ABCC8: variants seen among roughly 807,000 people sequenced by gnomAD.
ABCC8 encodes ATP binding cassette subfamily C member 8, also known as ATP-binding cassette sub-family C member 8.
A neutral mutation model predicts 188.0 loss-of-function variants in ABCC8; 137 were observed. The ratio of observed to expected loss-of-function variants is 0.73; its 90% CI spans 0.63 to 0.84. ABCC8 has a LOEUF of 0.84. Ranked by LOEUF, ABCC8 falls within the 40% of genes least tolerant of loss-of-function variation. The pLI is 0.00. For synonymous variants in ABCC8, 797 were observed against 846.5 expected (o/e 0.94, Z 1.01); for missense variants, 1,750 against 2,072.7 (o/e 0.84, Z 3.02).
At chr11:17,443,669 C>T (rs527965619) in intron 8 of ABCC8, among the ~76,000 whole-genome samples, 2 of 152,176 alleles carry the variant, frequency 1.3e-5, no homozygotes, top group Non-Finnish European at 2.9e-5. Context: ...TGCTGGCTCT[C>T]AGGGCTTATG....
At chr11:17,428,003 T>G in intron 14 of ABCC8, 61 bp from the exon 15 acceptor site, 1 of 1,595,200 alleles carries the variant, frequency 6.3e-7, no homozygotes, top group East Asian at 2.3e-5. Flanking sequence ...TCCCAGTGAA[T>G]AGTCTCTGGC....
intron 4 of ABCC8, 26 bp downstream of exon 4, chr11:17,463,412 C>A: frequency 1.3e-6 from 2 of 1,578,906 alleles, no homozygotes; most frequent in South Asian, 1.2e-5. Context: ...CTTCCCACCC[C>A]ACCCTGGCCC....
intron 29 of ABCC8, among the ~76,000 whole-genome samples, chr11:17,400,936 A>G (rs1055578340): frequency 3.3e-5 from 5 of 152,262 alleles, no homozygotes; most frequent in African/African-American, 7.2e-5. Flanking sequence ...AAGCCAATGC[A>G]TTAAATGTGT....
intron 10 of ABCC8, among the ~76,000 whole-genome samples, chr11:17,439,930 T>G (rs78332325): frequency 0.018 from 2,697 of 151,818 alleles, 95 homozygotes; most frequent in African/African-American, 0.063. Context: ...TGGGGGACAA[T>G]GAGCACCCAC....
intron 29 of ABCC8, among the ~76,000 whole-genome samples, chr11:17,400,252 G>A (rs1423869574): frequency 6.6e-6 from 1 of 152,176 alleles, no homozygotes; most frequent in East Asian, 1.9e-4. Flanking sequence ...CGTGTGGGAG[G>A]GTGACGTGTC....
chr11:17,401,102 G>A (rs1311073541), intron 29 of ABCC8, among the ~76,000 whole-genome samples: 1 of 152,186 alleles, frequency 6.6e-6, no homozygotes, highest in Admixed American at 6.5e-5. Flanking sequence ...GCACACAAGG[G>A]GCTGTGGCCC....
At chr11:17,413,609 G>A (rs921611514) in intron 19 of ABCC8, 131 bp from the exon 20 acceptor site, 72 of 1,576,110 alleles carry the variant, frequency 4.6e-5, no homozygotes, top group Non-Finnish European at 6.0e-5. Flanking sequence ...CCTCCCGCTT[G>A]GGTGCAAGCA....
At chr11:17,472,974 C>T (rs1465594007) in intron 2 of ABCC8, among the ~76,000 whole-genome samples, 1 of 152,194 alleles carries the variant, frequency 6.6e-6, no homozygotes, top group Non-Finnish European at 1.5e-5. Context: ...GCCCAGGGAT[C>T]TTCAAAACTC....
chr11:17,456,647 C>T (rs11822987), intron 6 of ABCC8, among the ~76,000 whole-genome samples: 2,414 of 152,240 alleles, frequency 0.016, 66 homozygotes, highest in African/African-American at 0.056. Flanking sequence ...CTGTTTGACA[C>T]GGTGGTTAAG....
intron 7 of ABCC8, among the ~76,000 whole-genome samples, chr11:17,452,149 T>C (rs1387299676): frequency 1.3e-5 from 2 of 152,188 alleles, no homozygotes; most frequent in Non-Finnish European, 2.9e-5. Context: ...AAAATCCTAG[T>C]GAAGACCCTG....
intron 20 of ABCC8, 53 bp downstream of exon 20, chr11:17,413,341 T>A (rs1003710386): frequency 6.2e-7 from 1 of 1,607,796 alleles, no homozygotes; most frequent in Admixed American, 1.7e-5. Flanking sequence ...TCTCAGGGCA[T>A]GGTAGGTTGG....
Position 17,404,390 on chromosome 11 carries a change from G to GT in ABCC8, c.3557+121dup, listed in dbSNP as rs4148637. The GT allele has an allele frequency of 8.5e-6, 9 of 1,057,944 alleles. No homozygotes were observed. Among genetic ancestry groups the GT allele is most frequent in the African/African-American group, 4.7e-5 (3 of 63,960 alleles). 65.5% of individuals were successfully genotyped at this position (1,057,944 alleles called of 1,614,324 possible). A position where few individuals can be genotyped will look rare whatever the true frequency, so the allele number is the denominator to read the frequency against. On this transcript the variant is annotated intron_variant, in intron 28 of 38. Coordinates refer to ENST00000389817, the MANE Select transcript of ABCC8 (RefSeq NM_000352.6). The surrounding 1 kb of genome is among the most constrained non-coding windows in gnomAD (Gnocchi z 4.7). ...GGATATTTCTATTTCCTTCATTTCT[G>GT]TTTTTTGTTTTTATTTTTTGGAGGG...
chr11:17,423,547 T>C (rs903544824), intron 16 of ABCC8, among the ~76,000 whole-genome samples: 11 of 152,044 alleles, frequency 7.2e-5, no homozygotes, highest in Admixed American at 3.3e-4. Flanking sequence ...AGCTAACAAA[T>C]GCACTTCACT....
chr11:17,436,688 G>A (rs985092126), intron 10 of ABCC8, among the ~76,000 whole-genome samples: 13 of 152,212 alleles, frequency 8.5e-5, no homozygotes, highest in African/African-American at 1.9e-4. Flanking sequence ...GTTTAGTTGC[G>A]TGTAGGCTGG....
chr11:17,393,563 C>G, intron 38 of ABCC8, 134 bp downstream of exon 38: 1 of 1,440,686 alleles, frequency 6.9e-7, no homozygotes, highest in South Asian at 1.1e-5. Context: ...GCCCCTTGCC[C>G]TGAACTGCCT....
chr11:17,458,504 T>G (rs996900774), intron 6 of ABCC8, among the ~76,000 whole-genome samples: 1 of 152,078 alleles, frequency 6.6e-6, no homozygotes, highest in Non-Finnish European at 1.5e-5. Flanking sequence ...TGATAAGGGC[T>G]CTGGCCTGTG....
intron 19 of ABCC8, 66 bp from the exon 20 acceptor site, chr11:17,413,544 G>C (rs1954920310): frequency 6.2e-7 from 1 of 1,612,224 alleles, no homozygotes; most frequent in Admixed American, 1.7e-5. Context: ...AGCACTTGCA[G>C]AGGGTCATTA....
intron 10 of ABCC8, among the ~76,000 whole-genome samples, chr11:17,434,984 C>CGCGCGTGTGTGTGT (rs71457876): frequency 2.5e-4 from 36 of 144,650 alleles, no homozygotes; most frequent in South Asian, 4.6e-4. Flanking sequence ...CGTGTGTTCG[C>CGCGCGTGTGTGTGT]GTGTGTGTGT....
At chr11:17,432,361 T>C in intron 10 of ABCC8, 117 bp from the exon 11 acceptor site, 2 of 1,540,944 alleles carry the variant, frequency 1.3e-6, no homozygotes, top group Admixed American at 3.9e-5. Context: ...GGGGCACAGC[T>C]CCAGTAGGCT....
Sources: allele counts gnomAD v4.1 joint callset (sites outside exome capture counted in the v4.1 genomes callset), GRCh38; gene constraint gnomAD v4.1.1; non-coding constraint Gnocchi (gnomAD v3.1); transcripts MANE v1.5; gene names NCBI Gene and HGNC (gene_info 2026-07-23, HGNC 2026-07-21).